Variants in RIN2 observed in about 807,000 individuals in gnomAD.
The protein encoded by RIN2 is RAB5 interacting protein 2.
In RIN2, 36 loss-of-function variants were observed where a neutral mutation model predicts 78.0. That is an observed-to-expected ratio of 0.46 (90% confidence interval 0.35 to 0.61). The LOEUF (loss-of-function observed/expected upper bound fraction) is 0.61. Ranked by LOEUF, RIN2 falls within the 20% of genes least tolerant of loss-of-function variation. The pLI is 0.00. For missense variants in RIN2, 1,087 were observed against 1,159.7 expected, an observed-to-expected ratio of 0.94 and a Z score of 0.91; for synonymous variants, 466 against 466.8, an observed-to-expected ratio of 1.00 and a Z score of 0.02.
At chr20:19,968,868 C>T (rs555547457) in intron 7 of RIN2, among the ~76,000 whole-genome samples, 17 of 152,074 alleles carry the variant, frequency 1.1e-4, no homozygotes, top group Non-Finnish European at 1.9e-4. Flanking sequence ...TCAGGGTTGC[C>T]GCCCTGCCAG....
At chr20:19,907,900 G>A (rs6112651) in intron 3 of RIN2, among the ~76,000 whole-genome samples, 1 of 152,172 alleles carries the variant, frequency 6.6e-6, no homozygotes, top group Non-Finnish European at 1.5e-5. Flanking sequence ...TCATCTGTAA[G>A]GTGGGATTAA....
At chr20:19,844,747 A>T in intron 2 of RIN2, among the ~76,000 whole-genome samples, 10 of 124,274 alleles carry the variant, frequency 8.0e-5, no homozygotes, top group South Asian at 2.6e-4. Flanking sequence ...TTCTTCTTTT[A>T]ATTATACTTT....
At chr20:19,758,362 G>A (rs887234199) in intron 1 of RIN2, 35 bp downstream of exon 1, 2 of 152,278 alleles carry the variant, frequency 1.3e-5, no homozygotes, top group African/African-American at 4.8e-5. Context: ...CCCACCCCCT[G>A]TGCCCGCACC....
chr20:19,996,860 C>T lies in RIN2; in HGVS notation c.2364+18C>T, dbSNP rs748888504. 6.4e-7 allele frequency: 1 copy of T among 1,556,474 alleles called. No individual in the cohort carries two copies. Among genetic ancestry groups the T allele is most frequent in the South Asian group, 1.2e-5 (1 of 84,256 alleles). On this transcript the variant is annotated intron_variant, in intron 12 of 12. Coordinates refer to ENST00000255006, the MANE Select transcript of RIN2 (RefSeq NM_018993.4). ...ACTTCCAGGTGTGCAGCTGGCCACCCCTTTGCTTCCTTCGTCCTCCAGGAA... is the reference window on the plus strand; with the variant it reads ...ACTTCCAGGTGTGCAGCTGGCCACCTCTTTGCTTCCTTCGTCCTCCAGGAA...
rs1601108771 is a variant in RIN2 at position 20,000,956 on chromosome 20, A to T, written c.*20A>T. 1.9e-6 allele frequency: 3 copies of T among 1,587,456 alleles called. No individual in the cohort carries two copies. Among genetic ancestry groups the T allele is most frequent in the Non-Finnish European group, 2.6e-6 (3 of 1,166,072 alleles). On this transcript the variant is annotated 3_prime_UTR_variant, in exon 13 of 13. Transcript: ENST00000255006. ...TCCTAGAAGACAGGCGGGACTTCCC[A>T]GTGGTGCATCCAAAGGGGAGCTGGA...
chr20:19,978,864 T>C (rs2042363161), intron 9 of RIN2, among the ~76,000 whole-genome samples: 1 of 152,172 alleles, frequency 6.6e-6, no homozygotes, highest in Admixed American at 6.5e-5. Flanking sequence ...AGTGTGCAGT[T>C]TGGGGGCCCT....
intron 4 of RIN2, among the ~76,000 whole-genome samples, chr20:19,946,713 C>CA (rs74180972): frequency 0.31 from 24,324 of 77,708 alleles, 4,829 homozygotes; most frequent in African/African-American, 0.6. Flanking sequence ...GATTCTATCT[C>CA]AAAAAAAAAA....
At chr20:19,939,936 C>T (rs2040798552) in intron 4 of RIN2, among the ~76,000 whole-genome samples, 1 of 151,848 alleles carries the variant, frequency 6.6e-6, no homozygotes, top group Admixed American at 6.6e-5. Flanking sequence ...TCACTGCAAC[C>T]TCCACCTCAT....
intron 2 of RIN2, among the ~76,000 whole-genome samples, chr20:19,821,660 C>T (rs957651862): frequency 1.2e-4 from 14 of 113,344 alleles, no homozygotes; most frequent in Non-Finnish European, 5.2e-5. Context: ...CCTCACGCTG[C>T]TCTCTCTCTC....
chr20:19,939,968 C>T (rs1600874219), intron 4 of RIN2, among the ~76,000 whole-genome samples: 1 of 152,124 alleles, frequency 6.6e-6, no homozygotes, highest in East Asian at 1.9e-4. Flanking sequence ...ATTCTTATGC[C>T]TCCAGCCTCC....
At chr20:19,858,320 A>G (rs1231014424) in intron 2 of RIN2, among the ~76,000 whole-genome samples, 2 of 152,196 alleles carry the variant, frequency 1.3e-5, no homozygotes, top group Non-Finnish European at 2.9e-5. Context: ...TTAAATTAGG[A>G]AAGCGAGGCC....
At chr20:19,848,722 G>GA (rs1178716575) in intron 2 of RIN2, among the ~76,000 whole-genome samples, 1 of 151,716 alleles carries the variant, frequency 6.6e-6, no homozygotes, top group Non-Finnish European at 1.5e-5. Context: ...GTTGATGATG[G>GA]AAAAAATAGG....
At chr20:19,982,267 T>G (rs2146350248) in intron 9 of RIN2, among the ~76,000 whole-genome samples, 1 of 152,266 alleles carries the variant, frequency 6.6e-6, no homozygotes, top group Non-Finnish European at 1.5e-5. Context: ...ATTTTACAGA[T>G]GAGGAAGCTG....
intron 4 of RIN2, among the ~76,000 whole-genome samples, chr20:19,938,391 T>G (rs922812218): frequency 1.3e-5 from 2 of 151,968 alleles, no homozygotes; most frequent in Non-Finnish European, 2.9e-5. Context: ...GCTAATTTTT[T>G]TTTTTAATTT....
At chr20:19,906,715 AT>A (rs1410779863) in intron 3 of RIN2, among the ~76,000 whole-genome samples, 2 of 152,136 alleles carry the variant, frequency 1.3e-5, no homozygotes, top group Non-Finnish European at 2.9e-5. Flanking sequence ...GGAAACCTGA[AT>A]TTTTTTGTTT....
chr20:19,931,709 C>CTTTT lies in RIN2; in HGVS notation c.58-3377_58-3374dup, dbSNP rs57734791. 5.9e-4 allele frequency among the ~76,000 whole-genome samples: 75 copies of CTTTT among 128,124 alleles called. 1 individual carries two copies. Among genetic ancestry groups the CTTTT allele is most frequent in the Middle Eastern group, 4.2e-3 (1 of 238 alleles). 84.1% of individuals were successfully genotyped at this position (128,124 alleles called of 152,430 possible). The stretch of plus-strand genomic sequence containing the variant: ...CTGTATATAATGCTTCTCGATTTGC[C>CTTTT]TTTTTTTTTTTTTTTTCTGCTTTCA... On this transcript the variant is annotated intron_variant, in intron 3 of 12. Coordinates refer to ENST00000255006, the MANE Select transcript of RIN2 (RefSeq NM_018993.4).
intron 2 of RIN2, among the ~76,000 whole-genome samples, chr20:19,802,410 G>A (rs2035268127): frequency 6.6e-6 from 1 of 151,544 alleles, no homozygotes; most frequent in South Asian, 2.1e-4. Context: ...CAAGGCAGGA[G>A]GATTGCTTGA....
rs567375821 is a variant in RIN2, at chr20:20,002,064, A to G, written c.*1128A>G. 3 of 152,570 alleles carry G rather than the reference A, an allele frequency of 2.0e-5. No individual in the cohort carries two copies. The East Asian group carries it at 5.8e-4, about 29-fold the overall frequency. The allele number at this position is 152,570 out of a possible 1,614,324, so 9.5% of individuals were successfully genotyped here. A position where few individuals can be genotyped will look rare whatever the true frequency, so the allele number is the denominator to read the frequency against. ...ATTGGGACCAGAAACCAAGTAATGT[A>G]TAATGTGGCTTTTGTTGAGTTAAAT... is the stretch of plus-strand genomic sequence containing the variant. On this transcript the variant is annotated 3_prime_UTR_variant, in exon 13 of 13. Transcript: ENST00000255006.
chr20:19,924,445 C>T (rs200440870), intron 3 of RIN2, among the ~76,000 whole-genome samples: 114 of 114,492 alleles, frequency 1.0e-3, no homozygotes, highest in Middle Eastern at 6.3e-3. Context: ...CACCTTCATA[C>T]CCTCACCTTC....
Sources: allele counts gnomAD v4.1 joint callset (sites outside exome capture counted in the v4.1 genomes callset), GRCh38; gene constraint gnomAD v4.1.1; transcripts MANE v1.5; gene names NCBI Gene and HGNC (gene_info 2026-07-23, HGNC 2026-07-21).